The following CAMK2A variants were observed in gnomAD, a reference collection of about 807,000 sequenced individuals.
CAMK2A encodes the protein calcium/calmodulin dependent protein kinase II alpha, also known as calcium/calmodulin-dependent protein kinase type II subunit alpha.
Under a neutral mutation model 79.2 loss-of-function variants are expected in CAMK2A, and 7 were observed. The ratio of observed to expected loss-of-function variants is 0.09; its 90% CI spans 0.05 to 0.17. The LOEUF (loss-of-function observed/expected upper bound fraction) is 0.17. CAMK2A is among the 10% of genes least tolerant of loss of function. The pLI is 1.00. For missense variants in CAMK2A, 214 were observed against 646.4 expected, an observed-to-expected ratio of 0.33 and a Z score of 7.25; for synonymous variants, 242 against 251.7, an observed-to-expected ratio of 0.96 and a Z score of 0.36.
In CAMK2A at chr5:150,228,312, A is replaced by G. The variant is rs769870566; in HGVS notation, c.1143-26T>C. ...CTGGGGGAAAGAAGCCAGAGGGAAG[A>G]GGGACTGGGGCGGCTTCTCATTGGA... On this transcript the variant is annotated intron_variant, in intron 16 of 18. Transcript: ENST00000671881. 7.6e-6 allele frequency: 12 copies of G among 1,577,650 alleles called. No individual in the cohort carries two copies. In the South Asian group the frequency reaches 1.3e-4, roughly 18 times the overall value.
chr5:150,271,573 C>T (rs1756751089), intron 2 of CAMK2A, among the ~76,000 whole-genome samples: 1 of 152,210 alleles, frequency 6.6e-6, no homozygotes, highest in African/African-American at 2.4e-5. Flanking sequence ...ACTCTGCCAG[C>T]CCCTCACACA....
At chr5:150,270,351 A>G (rs1438361393) in intron 2 of CAMK2A, among the ~76,000 whole-genome samples, 3 of 152,202 alleles carry the variant, frequency 2.0e-5, no homozygotes, top group Non-Finnish European at 4.4e-5. Context: ...TCATTTCTTC[A>G]TGGTTTCTTT....
At chr5:150,264,833 C>T in intron 3 of CAMK2A, 123 bp downstream of exon 3, 1 of 735,992 alleles carries the variant, frequency 1.4e-6, no homozygotes, top group Non-Finnish European at 2.5e-6. Context: ...CCCATCTCTG[C>T]TGCCTCCATC....
intron 14 of CAMK2A, 59 bp from the exon 15 acceptor site, chr5:150,238,807 C>A: frequency 7.0e-7 from 1 of 1,436,168 alleles, no homozygotes. Context: ...GAGGCATGGC[C>A]AGGCCCTGGC....
Position 150,219,694 on chromosome 5 carries a change from G to C in CAMK2A, c.*3016C>G, listed in dbSNP as rs1754202782. On this transcript the variant is annotated 3_prime_UTR_variant, in exon 19 of 19. Transcript: ENST00000671881. The stretch of plus-strand genomic sequence containing the variant: ...CAAACAAATAGTAACAAAGAAACCA[G>C]CACGGGGAGTCTGGCAAACTCATCC... 6.6e-6 allele frequency: 1 copy of C among 150,740 alleles called. No individual in the cohort carries two copies. Among genetic ancestry groups the C allele is most frequent in the African/African-American group, 2.4e-5 (1 of 40,922 alleles). The allele number at this position is 150,740 out of a possible 1,614,324, so 9.3% of individuals were successfully genotyped here.
Position 150,251,807 on chromosome 5 carries a change from C to CG in CAMK2A, c.635dup (p.Phe213ValfsTer4). On this transcript the variant is annotated frameshift_variant, in exon 9 of 19. Transcript: ENST00000671881. LOFTEE classifies it high-confidence loss of function. ...GGCGGTGCTGGTCCTCATCCCAGAA[C>CG]GGGGGGTACCCAACCAGCAGGATGT... The CG allele has an allele frequency of 6.2e-7, 1 of 1,608,342 alleles. No homozygotes were observed. Among genetic ancestry groups the CG allele is most frequent in the Non-Finnish European group, 8.5e-7 (1 of 1,177,274 alleles).
chr5:150,249,553 GT>G (rs36099826), intron 11 of CAMK2A, among the ~76,000 whole-genome samples: 7,270 of 145,682 alleles, frequency 0.05, 524 homozygotes, highest in African/African-American at 0.17. Flanking sequence ...TCTTTTTTTT[GT>G]TTTTTTTTTT....
chr5:150,246,385 G>A (rs907929669), intron 12 of CAMK2A, among the ~76,000 whole-genome samples: 7 of 152,180 alleles, frequency 4.6e-5, no homozygotes, highest in Admixed American at 2.0e-4. Flanking sequence ...CAAGGTAGAC[G>A]CCCCTCTCAG....
At chr5:150,272,444 C>T (rs371744633) in intron 2 of CAMK2A, among the ~76,000 whole-genome samples, 10 of 151,862 alleles carry the variant, frequency 6.6e-5, no homozygotes, top group African/African-American at 2.2e-4. Context: ...TGGCGGTGGA[C>T]GCTTGTAATC....
At chr5:150,241,161 A>C (rs956226792) in intron 13 of CAMK2A, among the ~76,000 whole-genome samples, 2 of 152,200 alleles carry the variant, frequency 1.3e-5, no homozygotes, top group Non-Finnish European at 2.9e-5. Context: ...CGGGGCCTCC[A>C]CAGAAGGGAT....
chr5:150,242,446 G>A lies in CAMK2A; in HGVS notation c.985-2710C>T, dbSNP rs562004973. Reference sequence around the variant, plus strand: ...TTCACATCTCTGCCATTCCTGCAGCGCTGAAGCCAATCACTGCCTCTTCAG... The same window carrying A: ...TTCACATCTCTGCCATTCCTGCAGCACTGAAGCCAATCACTGCCTCTTCAG... On this transcript the variant is annotated intron_variant, in intron 13 of 18. Transcript: ENST00000671881. Among the ~76,000 whole-genome samples the A allele has an allele frequency of 3.8e-4, 58 of 152,268 alleles. 1 individual carries two copies. Among genetic ancestry groups the A allele is most frequent in the African/African-American group, 1.3e-3 (52 of 41,558 alleles).
At chr5:150,270,291 C>A (rs1000142892) in intron 2 of CAMK2A, among the ~76,000 whole-genome samples, 2 of 152,176 alleles carry the variant, frequency 1.3e-5, no homozygotes, top group South Asian at 4.1e-4. Flanking sequence ...TAAAAAGCTC[C>A]CAAAGGTATT....
chr5:150,289,974 G>A, upstream of CAMK2A: 1 of 268,112 alleles, frequency 3.7e-6, no homozygotes, highest in East Asian at 8.0e-5. Context: ...GGGCCTGGGG[G>A]TGGGATGGAC....
chr5:150,228,256 G>T lies in CAMK2A; in HGVS notation c.1173C>A (p.Phe391Leu). The change falls in exon 17 of 19, where the codon TTC becomes TTA. Residue 391 changes from phenylalanine to leucine, a missense_variant. Phe to Leu is a conservative substitution (Grantham distance 22, BLOSUM62 0). Transcript: ENST00000671881. Reference protein sequence around the residue: ...TKMCDPGMTAFEPEALGNLVE... With the variant: ...TKMCDPGMTALEPEALGNLVE... ...CCAGGTTCCCCAGGGCCTCAGGTTC[G>T]AAGGCTGTCATGCCAGGGTCGCACA... 1 of 1,614,002 alleles carries T rather than the reference G, an allele frequency of 6.2e-7. No individual in the cohort carries two copies. Among genetic ancestry groups the T allele is most frequent in the Non-Finnish European group, 8.5e-7 (1 of 1,179,952 alleles).
At chr5:150,251,886 G>A in intron 8 of CAMK2A, 42 bp from the exon 9 acceptor site, 1 of 1,549,588 alleles carries the variant, frequency 6.5e-7, no homozygotes, top group Admixed American at 1.7e-5. Context: ...CTGTGGGGAG[G>A]AGACATGGGG....
chr5:150,246,936 G>C (rs1404415840), intron 12 of CAMK2A, among the ~76,000 whole-genome samples: 1 of 152,176 alleles, frequency 6.6e-6, no homozygotes, highest in Non-Finnish European at 1.5e-5. Flanking sequence ...GGTGAGCTTT[G>C]CTCTATCTGC....
At chr5:150,264,440 T>A (rs538283818) in intron 3 of CAMK2A, among the ~76,000 whole-genome samples, 94 of 152,296 alleles carry the variant, frequency 6.2e-4, no homozygotes, top group African/African-American at 2.2e-3. Context: ...TCAGAGCCCA[T>A]CCCCACGGGT....
chr5:150,227,907 C>G (rs1385195136), intron 17 of CAMK2A, among the ~76,000 whole-genome samples: 1 of 152,258 alleles, frequency 6.6e-6, no homozygotes, highest in African/African-American at 2.4e-5. Context: ...CCAGGCCCCT[C>G]CCAGGGTCAT....
At position 150,257,649 on chromosome 5, in the gene CAMK2A, G is replaced by A. The variant is rs368321709; in HGVS notation, c.218-32C>T. 201 of 1,536,646 alleles carry A rather than the reference G, an allele frequency of 1.3e-4. No homozygotes were observed. The African/African-American group carries it at 2.5e-3, about 19-fold the overall frequency. ...GCGGGGCAAGGCAGTTGGTTACAGTGGGACACACTGCTGCACAGGCCCGCC... is the reference window on the plus strand; with the variant it reads ...GCGGGGCAAGGCAGTTGGTTACAGTAGGACACACTGCTGCACAGGCCCGCC... On this transcript the variant is annotated intron_variant, in intron 3 of 18. Transcript: ENST00000671881.
Sources: gnomAD v4.1 joint callset for allele counts (sites outside exome capture counted in the v4.1 genomes callset) on GRCh38, gnomAD v4.1.1 for gene constraint, MANE v1.5 for transcripts, NCBI Gene and HGNC (gene_info 2026-07-23, HGNC 2026-07-21) for gene names.